Variants in DTL observed in about 807,000 individuals in gnomAD.
DTL encodes denticleless E3 ubiquitin protein ligase adapter.
In DTL, 46 loss-of-function variants were observed where a neutral mutation model predicts 87.0. That is an observed-to-expected ratio of 0.53 (90% CI 0.42 to 0.68). DTL has a LOEUF of 0.68. Ranked by LOEUF, DTL falls within the 30% of genes least tolerant of loss-of-function variation. DTL has a pLI of 0.00. For synonymous variants in DTL, 308 were observed against 311.2 expected (o/e 0.99, Z 0.11); for missense variants, 737 against 869.4 (o/e 0.85, Z 1.91).
intron 11 of DTL, among the ~76,000 whole-genome samples, chr1:212,074,773 A>G (rs552264297): frequency 7.9e-5 from 12 of 152,276 alleles, no homozygotes; most frequent in Non-Finnish European, 8.8e-5. Flanking sequence ...AATTTTTTCT[A>G]TGCTAAAAAG....
intron 5 of DTL, among the ~76,000 whole-genome samples, chr1:212,060,600 G>T (rs562933157): frequency 9.9e-5 from 15 of 152,100 alleles, no homozygotes; most frequent in Non-Finnish European, 2.1e-4. Flanking sequence ...GCTTGACGTG[G>T]TAGGCGCGCC....
rs1655664942 is a variant in DTL, at chr1:212,102,891, G to A, written c.2144G>A (p.Arg715Lys). The A allele has an allele frequency of 1.9e-6, 3 of 1,612,890 alleles. No individual in the cohort carries two copies. Among genetic ancestry groups the A allele is most frequent in the Non-Finnish European group, 1.7e-6 (2 of 1,179,172 alleles). Residue 715 changes from arginine to lysine, a missense_variant, in exon 15 of 15, where the codon AGA (arginine) becomes AAA (lysine). Arg to Lys is a conservative substitution (Grantham distance 26). Coordinates refer to ENST00000366991, the MANE Select transcript of DTL (RefSeq NM_016448.4). ...AGGAAAATCTGCACATACTTCCATA[G>A]AAAGTCCCAGGAGGACTTCTGTGGT... is the stretch of plus-strand genomic sequence containing the variant. Reference protein sequence around the residue: ...SMRKICTYFHRKSQEDFCGPE... With the variant: ...SMRKICTYFHKKSQEDFCGPE...
At chr1:212,073,913 G>A (rs1654754910) in intron 11 of DTL, among the ~76,000 whole-genome samples, 1 of 151,848 alleles carries the variant, frequency 6.6e-6, no homozygotes, top group Non-Finnish European at 1.5e-5. Flanking sequence ...TGGTCTTAAT[G>A]CTTATTTTGC....
At position 212,078,141 on chromosome 1, in the gene DTL, T is replaced by C. The variant is rs187985651; in HGVS notation, c.1036-32T>C. The C allele has an allele frequency of 3.7e-4, 484 of 1,323,104 alleles. 4 individuals carry two copies. The highest frequency in any genetic ancestry group is 3.3e-3 in the Middle Eastern group (18 of 5,502). The allele number at this position is 1,323,104 out of a possible 1,614,324, so 82.0% of individuals were successfully genotyped here. ...CTCTATCTGGGAAATCTAATATTGC[T>C]TTGCTGACTTGTTTGTTTTTGATTG... On this transcript the variant is annotated intron_variant, in intron 11 of 14. Transcript: ENST00000366991.
At chr1:212,078,287 G>A (rs1294854713) in intron 12 of DTL, 25 bp downstream of exon 12, 2 of 1,380,836 alleles carry the variant, frequency 1.4e-6, no homozygotes, top group Non-Finnish European at 2.1e-6. Flanking sequence ...CTCTATAGTT[G>A]GTTTAAAATG....
At chr1:212,074,027 C>G (rs867602102) in intron 11 of DTL, among the ~76,000 whole-genome samples, 1 of 151,682 alleles carries the variant, frequency 6.6e-6, no homozygotes, top group Non-Finnish European at 1.5e-5. Context: ...AGGTCTGTAT[C>G]TTTTAAGGTT....
rs1654567418 is a variant in DTL, at chr1:212,068,265, A to T, written c.755A>T (p.Tyr252Phe). 1 of 1,612,240 alleles carries T rather than the reference A, an allele frequency of 6.2e-7. No individual in the cohort carries two copies. Among genetic ancestry groups the T allele is most frequent in the East Asian group, 2.2e-5 (1 of 44,840 alleles). Residue 252 changes from tyrosine to phenylalanine, a missense_variant, in exon 9 of 15, where the codon TAT becomes TTT. Coordinates refer to ENST00000366991, the MANE Select transcript of DTL (RefSeq NM_016448.4). ...GATTTACGTAAGAATTATACTGCTT[A>T]TCGACAAGAACCCATAGCATCCAAG... ...VWDLRKNYTA[Y>F]RQEPIASKSF...
intron 13 of DTL, among the ~76,000 whole-genome samples, chr1:212,093,087 G>A (rs575373349): frequency 1.3e-5 from 2 of 152,158 alleles, no homozygotes; most frequent in Admixed American, 6.5e-5. Context: ...TTTTTGATGG[G>A]ATTATTTGGT....
chr1:212,100,008 GTTT>G (rs1257261979), intron 13 of DTL, among the ~76,000 whole-genome samples: 1 of 151,988 alleles, frequency 6.6e-6, no homozygotes, highest in African/African-American at 2.4e-5. Flanking sequence ...TTCTCTTTAT[GTTT>G]TTCGGTATTT....
chr1:212,081,245 G>A (rs1654983010), intron 13 of DTL, among the ~76,000 whole-genome samples: 1 of 152,132 alleles, frequency 6.6e-6, no homozygotes, highest in Admixed American at 6.5e-5. Flanking sequence ...TTTGAGTAAA[G>A]AAAGTGAAGT....
At chr1:212,090,014 G>A (rs563935762) in intron 13 of DTL, among the ~76,000 whole-genome samples, 2 of 152,198 alleles carry the variant, frequency 1.3e-5, no homozygotes, top group Admixed American at 6.5e-5. Flanking sequence ...GAGGAGTGCA[G>A]CAAATGAAAA....
intron 13 of DTL, among the ~76,000 whole-genome samples, chr1:212,097,047 A>G (rs548672813): frequency 2.6e-4 from 40 of 152,252 alleles, no homozygotes; most frequent in African/African-American, 9.2e-4. Flanking sequence ...CTGGCTTGGT[A>G]GTGGCAAATT....
chr1:212,052,377 C>CT (rs1267822477), intron 5 of DTL, among the ~76,000 whole-genome samples: 1 of 152,036 alleles, frequency 6.6e-6, no homozygotes, highest in Non-Finnish European at 1.5e-5. Context: ...TGGCTCAGGC[C>CT]TGTAATCCAA....
chr1:212,094,690 G>A (rs1323176354), intron 13 of DTL, among the ~76,000 whole-genome samples: 1 of 152,162 alleles, frequency 6.6e-6, no homozygotes, highest in Non-Finnish European at 1.5e-5. Context: ...ATTGCTTTTA[G>A]CAGTATAGTT....
intron 11 of DTL, among the ~76,000 whole-genome samples, chr1:212,075,833 A>G (rs979909098): frequency 6.6e-6 from 1 of 152,126 alleles, no homozygotes; most frequent in South Asian, 2.1e-4. Flanking sequence ...CCCAAACATC[A>G]TCACACCAGA....
chr1:212,063,124 A>G (rs1378719943), intron 6 of DTL, among the ~76,000 whole-genome samples, 175 bp downstream of exon 6: 1 of 152,136 alleles, frequency 6.6e-6, no homozygotes, highest in Non-Finnish European at 1.5e-5. Flanking sequence ...AGTGATAAAT[A>G]CATGAGTGTC....
intron 9 of DTL, 97 bp from the exon 10 acceptor site, chr1:212,068,502 A>C (rs1251544624): frequency 2.3e-6 from 2 of 877,446 alleles, no homozygotes; most frequent in East Asian, 5.0e-5. Flanking sequence ...AATTCTGATG[A>C]TGATTCTTAT....
intron 13 of DTL, among the ~76,000 whole-genome samples, chr1:212,084,670 G>A (rs1213067314): frequency 1.3e-5 from 2 of 151,988 alleles, no homozygotes; most frequent in African/African-American, 4.8e-5. Context: ...AAATAGTTTT[G>A]TGCATTTCTA....
At chr1:212,067,143 C>G (rs145422232) in intron 8 of DTL, among the ~76,000 whole-genome samples, 1 of 152,332 alleles carries the variant, frequency 6.6e-6, no homozygotes, top group East Asian at 1.9e-4. Flanking sequence ...GCTGCTGTTG[C>G]TATCTTAGAA....
Sources: allele counts gnomAD v4.1 joint callset (sites outside exome capture counted in the v4.1 genomes callset), GRCh38; gene constraint gnomAD v4.1.1; transcripts MANE v1.5; gene names NCBI Gene and HGNC (gene_info 2026-07-23, HGNC 2026-07-21).